Variants in ZFPM2 observed in about 807,000 individuals in gnomAD.
The protein encoded by ZFPM2 is zinc finger protein ZFPM2.
ZFPM2 carries 20 observed loss-of-function variants against 98.6 expected under a neutral mutation model. That is an observed-to-expected ratio of 0.20 (90% CI 0.14 to 0.29). The LOEUF (loss-of-function observed/expected upper bound fraction) is 0.29. Among genes scored for constraint, ZFPM2 ranks in the 10% least tolerant of loss-of-function variants. ZFPM2 has a pLI of 1.00. For missense variants in ZFPM2, 1,310 were observed against 1,388.6 expected (o/e 0.94, Z 0.90); for synonymous variants, 518 against 502.7 (o/e 1.03, Z -0.41).
intron 1 of ZFPM2, among the ~76,000 whole-genome samples, chr8:105,406,367 G>T (rs1269874388): frequency 6.6e-6 from 1 of 152,048 alleles, no homozygotes; most frequent in Non-Finnish European, 1.5e-5. Context: ...AATGGGGAAA[G>T]GATTCCCTAT....
chr8:105,335,704 T>A (rs1812313571), intron 1 of ZFPM2, among the ~76,000 whole-genome samples: 1 of 151,698 alleles, frequency 6.6e-6, no homozygotes, highest in South Asian at 2.1e-4. Flanking sequence ...CAAAAATAGA[T>A]CCAGAGCAAG....
intron 7 of ZFPM2, among the ~76,000 whole-genome samples, chr8:105,799,537 G>C (rs1290152325): frequency 7.9e-5 from 12 of 151,998 alleles, no homozygotes; most frequent in Admixed American, 7.9e-4. Context: ...GAAAAAAATA[G>C]GCTGAAAAAC....
rs374194828 is a variant in ZFPM2 at position 105,791,028 on chromosome 8, G to A, written c.739+2104G>A. Among the ~76,000 whole-genome samples, 320 of 152,210 alleles carry A rather than the reference G, an allele frequency of 2.1e-3. 1 individual carries two copies. The highest frequency in any genetic ancestry group is 0.01 in the Middle Eastern group (3 of 292). ...GGTTTTCTAGATATACAATCATGTC[G>A]TCTGCAAACAGGGACAATTTGACTT... On this transcript the variant is annotated intron_variant, in intron 6 of 7. Transcript: ENST00000407775.
intron 5 of ZFPM2, among the ~76,000 whole-genome samples, chr8:105,737,003 AATTC>A (rs926030937): frequency 6.6e-6 from 1 of 152,118 alleles, no homozygotes; most frequent in East Asian, 2.0e-4. Context: ...CAAAATTCTT[AATTC>A]ATTCAGCTAC....
At chr8:105,737,952 T>C (rs1812117572) in intron 5 of ZFPM2, among the ~76,000 whole-genome samples, 1 of 151,702 alleles carries the variant, frequency 6.6e-6, no homozygotes, top group African/African-American at 2.4e-5. Flanking sequence ...TTTGCTATGT[T>C]CCAGAATATA....
At chr8:105,495,823 TAC>T (rs1813455359) in intron 3 of ZFPM2, among the ~76,000 whole-genome samples, 1 of 152,250 alleles carries the variant, frequency 6.6e-6, no homozygotes, top group Non-Finnish European at 1.5e-5. Context: ...CCACCAGTTT[TAC>T]AGTTTCACTG....
chr8:105,743,651 C>A (rs1812277014), intron 5 of ZFPM2, among the ~76,000 whole-genome samples: 1 of 152,050 alleles, frequency 6.6e-6, no homozygotes, highest in South Asian at 2.1e-4. Flanking sequence ...CCTTAATGAA[C>A]CAGTCATCTG....
chr8:105,474,548 TA>T (rs201006839), intron 3 of ZFPM2, among the ~76,000 whole-genome samples: 31 of 150,882 alleles, frequency 2.1e-4, no homozygotes, highest in Admixed American at 6.6e-4. Context: ...ATTGGTAAGT[TA>T]AAAAAAAATA....
intron 5 of ZFPM2, among the ~76,000 whole-genome samples, chr8:105,708,274 A>G (rs1347042601): frequency 5.3e-5 from 8 of 152,218 alleles, no homozygotes; most frequent in African/African-American, 4.8e-5. Context: ...GAAAAATTAA[A>G]TATTAACTGG....
intron 4 of ZFPM2, among the ~76,000 whole-genome samples, chr8:105,566,688 A>G (rs1441743916): frequency 6.6e-6 from 1 of 152,118 alleles, no homozygotes; most frequent in African/African-American, 2.4e-5. Context: ...AATATTATCA[A>G]CTGTTGATAG....
chr8:105,360,464 TTTTA>T (rs1735246381), intron 1 of ZFPM2, among the ~76,000 whole-genome samples: 1 of 151,960 alleles, frequency 6.6e-6, no homozygotes, highest in Non-Finnish European at 1.5e-5. Context: ...GGGAACATAC[TTTTA>T]TTTATTTATT....
chr8:105,653,669 A>G (rs1425184271), intron 5 of ZFPM2, among the ~76,000 whole-genome samples: 1 of 152,156 alleles, frequency 6.6e-6, no homozygotes, highest in Non-Finnish European at 1.5e-5. Flanking sequence ...GAAAAGGTAC[A>G]CTGTGGGATA....
intron 5 of ZFPM2, among the ~76,000 whole-genome samples, chr8:105,636,160 A>G (rs1816843346): frequency 6.6e-6 from 1 of 152,076 alleles, no homozygotes; most frequent in Admixed American, 6.6e-5. Flanking sequence ...AAGGTTTTGG[A>G]TTTTGGAACC....
chr8:105,575,311 A>T (rs983491634), intron 4 of ZFPM2, among the ~76,000 whole-genome samples: 1 of 152,180 alleles, frequency 6.6e-6, no homozygotes. Context: ...GAAAGGAAAC[A>T]ATGAGCCGTT....
chr8:105,515,067 G>A (rs972055552), intron 3 of ZFPM2, among the ~76,000 whole-genome samples: 2 of 152,124 alleles, frequency 1.3e-5, no homozygotes, highest in Non-Finnish European at 2.9e-5. Flanking sequence ...AGCTTTAAAG[G>A]CCCTGGAAGG....
At chr8:105,620,550 G>C (rs1816517625) in intron 4 of ZFPM2, among the ~76,000 whole-genome samples, 1 of 152,126 alleles carries the variant, frequency 6.6e-6, no homozygotes, top group South Asian at 2.1e-4. Context: ...GATCCCATTT[G>C]TCTATTTTGG....
At chr8:105,325,113 T>C (rs1336892314) in intron 1 of ZFPM2, among the ~76,000 whole-genome samples, 1 of 151,846 alleles carries the variant, frequency 6.6e-6, no homozygotes, top group African/African-American at 2.4e-5. Flanking sequence ...CCCGGTCTAA[T>C]TCAACACCTG....
At chr8:105,797,245 A>T (rs1484008083) in intron 6 of ZFPM2, 1 of 151,386 alleles carries the variant, frequency 6.6e-6, no homozygotes, top group Non-Finnish European at 1.5e-5. Context: ...ATGAAGGGGG[A>T]AAAAACACAC....
chr8:105,460,823 A>C (rs1812691473), intron 3 of ZFPM2, among the ~76,000 whole-genome samples: 1 of 152,102 alleles, frequency 6.6e-6, no homozygotes, highest in South Asian at 2.1e-4. Flanking sequence ...TTGTGAAAAA[A>C]TACTTTAACT....
Sources: allele counts gnomAD v4.1 joint callset (sites outside exome capture counted in the v4.1 genomes callset), GRCh38; gene constraint gnomAD v4.1.1; transcripts MANE v1.5; gene names NCBI Gene and HGNC (gene_info 2026-07-23, HGNC 2026-07-21).